Variants in KCNT1 observed in about 807,000 individuals in gnomAD.
KCNT1 encodes the protein potassium sodium-activated channel subfamily T member 1.
A neutral mutation model predicts 147.8 loss-of-function variants in KCNT1; 78 were observed. The ratio of observed to expected loss-of-function variants is 0.53; its 90% CI spans 0.44 to 0.64. The LOEUF (loss-of-function observed/expected upper bound fraction) is 0.64, where lower values mean the gene tolerates loss of function less well. KCNT1 is among the 30% of genes least tolerant of loss of function. KCNT1 has a pLI of 0.00. For synonymous variants in KCNT1, 867 were observed against 748.8 expected, an observed-to-expected ratio of 1.16 and a Z score of -2.58; for missense variants, 1,419 against 1,750.3, an observed-to-expected ratio of 0.81 and a Z score of 3.38.
rs187884611 is a variant in KCNT1, at chr9:135,725,842, G to A, written c.254+11122G>A. ...TGCCTGGGCGTGTCCTAAGTTGATT[G>A]AATATATGCTGGAAAGCAGAAATGC... On this transcript the variant is annotated intron_variant, in intron 2 of 30. Transcript: ENST00000371757. 2.0e-3 allele frequency among the ~76,000 whole-genome samples: 305 copies of A among 152,324 alleles called. 2 individuals carry two copies. Among genetic ancestry groups the A allele is most frequent in the African/African-American group, 7.0e-3 (290 of 41,582 alleles).
intron 2 of KCNT1, among the ~76,000 whole-genome samples, chr9:135,732,033 GAGAGAGA>G (rs1836502010): frequency 4.2e-5 from 6 of 141,816 alleles, no homozygotes; most frequent in Admixed American, 4.2e-4. Flanking sequence ...GAGAGAGAGA[GAGAGAGA>G]GGGAGTCTCA....
intron 2 of KCNT1, among the ~76,000 whole-genome samples, chr9:135,747,120 C>T (rs1830871146): frequency 1.3e-5 from 2 of 152,016 alleles, no homozygotes; most frequent in South Asian, 4.1e-4. Context: ...TGTGGCAAGC[C>T]CTGGGGTCCC....
chr9:135,732,024 A>AGAGAGAGAGAGAGAGGGAGG (rs1554766186), intron 2 of KCNT1, among the ~76,000 whole-genome samples: 21 of 65,116 alleles, frequency 3.2e-4, no homozygotes, highest in Non-Finnish European at 4.8e-4. Flanking sequence ...AGAGAGAGAG[A>AGAGAGAGAGAGAGAGGGAGG]GAGAGAGAGA....
chr9:135,730,961 G>A lies in KCNT1; in HGVS notation c.254+16241G>A, dbSNP rs1349013346. ...TGTTCATGCCACTGCACTCCAGCCT[G>A]GGCAACAAAGTGAGATCCCGTCTCA... On this transcript the variant is annotated intron_variant, in intron 2 of 30. Coordinates refer to ENST00000371757, the MANE Select transcript of KCNT1 (RefSeq NM_020822.3). The surrounding 1 kb of genome is among the most constrained non-coding windows in gnomAD (Gnocchi z 4.7). 1.5e-5 allele frequency among the ~76,000 whole-genome samples: 2 copies of A among 133,566 alleles called. No homozygotes were observed. The highest frequency in any genetic ancestry group is 5.5e-5 in the African/African-American group (2 of 36,538). 87.6% of individuals were successfully genotyped at this position (133,566 alleles called of 152,430 possible). A position where few individuals can be genotyped will look rare whatever the true frequency, so the allele number is the denominator to read the frequency against.
intron 2 of KCNT1, among the ~76,000 whole-genome samples, chr9:135,717,568 C>T (rs562537395): frequency 5.3e-5 from 8 of 152,206 alleles, no homozygotes; most frequent in Admixed American, 2.0e-4. Context: ...TTTCCGGGGG[C>T]GCAGGGGCAA....
Position 135,751,008 on chromosome 9 carries a change from T to G in KCNT1, c.401T>G (p.Val134Gly), listed in dbSNP as rs776675825. ...ACCTGCCTGCTCTACATTGTGCGCG[T>G]CCTGCTCGATGACCCGGCCCTGGGC... ...LLTCLLYIVRVLLDDPALGIG... is the reference protein window; with the variant it reads ...LLTCLLYIVRGLLDDPALGIG... Residue 134 changes from valine (V) to glycine (G), a missense_variant, in exon 4 of 31, where the codon GTC becomes GGC. This residue lies in a region of KCNT1 where 401 missense variants were observed against 610.6 expected (regional missense o/e 0.66). Coordinates refer to ENST00000371757, the MANE Select transcript of KCNT1 (RefSeq NM_020822.3). 6.2e-7 allele frequency: 1 copy of G among 1,612,640 alleles called. No individual in the cohort carries two copies. Among genetic ancestry groups the G allele is most frequent in the Non-Finnish European group, 8.5e-7 (1 of 1,179,844 alleles).
chr9:135,752,953 AGATG>A lies in KCNT1; in HGVS notation c.435-979_435-976del, dbSNP rs1156977017. Among the ~76,000 whole-genome samples, 28 of 142,758 alleles carry A rather than the reference AGATG, an allele frequency of 2.0e-4. No homozygotes were observed. The East Asian group carries it at 4.1e-3, about 21-fold the overall frequency. 93.7% of individuals were successfully genotyped at this position (142,758 alleles called of 152,430 possible). A position where few individuals can be genotyped will look rare whatever the true frequency, so the allele number is the denominator to read the frequency against. ...TGGATGGACAGATAAGTAGATGGAT[AGATG>A]GATGAGTGGATGGATGATGAGCAGA... is the stretch of plus-strand genomic sequence containing the variant. On this transcript the variant is annotated intron_variant, in intron 4 of 30. Coordinates refer to ENST00000371757, the MANE Select transcript of KCNT1 (RefSeq NM_020822.3). The surrounding 1 kb of genome is among the most constrained non-coding windows in gnomAD (Gnocchi z 5.1).
In KCNT1 at chr9:135,778,324, G is replaced by A. The variant is rs142999388; in HGVS notation, c.2523-100G>A. On this transcript the variant is annotated intron_variant, in intron 21 of 30. Coordinates refer to ENST00000371757, the MANE Select transcript of KCNT1 (RefSeq NM_020822.3). ...TACGCTGCGGTTCTGGGGAACCCCTGCCTGGCCCAGCTCTGTGCATGGAGG... is the reference window on the plus strand; with the variant it reads ...TACGCTGCGGTTCTGGGGAACCCCTACCTGGCCCAGCTCTGTGCATGGAGG... 6.6e-4 allele frequency: 724 copies of A among 1,098,620 alleles called. 3 individuals carry two copies. The highest frequency in any genetic ancestry group is 9.2e-4 in the Non-Finnish European group (695 of 756,034). 68.1% of individuals were successfully genotyped at this position (1,098,620 alleles called of 1,614,324 possible). A position where few individuals can be genotyped will look rare whatever the true frequency, so the allele number is the denominator to read the frequency against.
At chr9:135,768,385 C>T in intron 13 of KCNT1, 1 of 239,772 alleles carries the variant, frequency 4.2e-6, no homozygotes, top group Non-Finnish European at 7.1e-6. Flanking sequence ...ACTGAGGGGG[C>T]ACTGTGACTC....
At chr9:135,731,600 T>A (rs1836433510) in intron 2 of KCNT1, among the ~76,000 whole-genome samples, 1 of 152,166 alleles carries the variant, frequency 6.6e-6, no homozygotes, top group Non-Finnish European at 1.5e-5. Context: ...CCGCGTTCTC[T>A]CACGTTCCTT....
At chr9:135,772,983 G>A in intron 19 of KCNT1, 34 bp downstream of exon 19, 1 of 1,387,728 alleles carries the variant, frequency 7.2e-7, no homozygotes, top group Non-Finnish European at 9.5e-7. Flanking sequence ...TCCCAGTGGG[G>A]GGAGGAGCCG....
intron 1 of KCNT1, chr9:135,703,118 C>T (rs1300996456): frequency 6.6e-6 from 1 of 152,668 alleles, no homozygotes; most frequent in Non-Finnish European, 1.5e-5. Flanking sequence ...GTTCCCCATC[C>T]TCTCCCCCAT....
At chr9:135,780,939 G>A (rs1435076412) in intron 24 of KCNT1, among the ~76,000 whole-genome samples, 1 of 152,214 alleles carries the variant, frequency 6.6e-6, no homozygotes, top group African/African-American at 2.4e-5. Flanking sequence ...TCCGGCCTCA[G>A]CCTTGCACCT....
chr9:135,767,813 C>A (rs1052423365), intron 13 of KCNT1, among the ~76,000 whole-genome samples: 6 of 151,962 alleles, frequency 3.9e-5, no homozygotes, highest in Non-Finnish European at 8.8e-5. Flanking sequence ...TAGGGACAAG[C>A]TGGGGGGTTG....
chr9:135,785,327 C>T lies in KCNT1; in HGVS notation c.3174C>T (p.Ala1058=), dbSNP rs2131577612. 6.2e-7 allele frequency: 1 copy of T among 1,613,080 alleles called. No individual in the cohort carries two copies. Among genetic ancestry groups the T allele is most frequent in the Non-Finnish European group, 8.5e-7 (1 of 1,179,958 alleles). Residue 1058 remains alanine, a synonymous_variant, in exon 28 of 31, where the codon GCC becomes GCT. Transcript: ENST00000371757. ...FSTSEPHDLR[A]QSQISVNVED... Reference sequence around the variant, plus strand: ...CTTTGCAGCCCCACGACCTCAGAGCCCAGGTAAGCAACCCCTCCGTGCCCA... The same window carrying T: ...CTTTGCAGCCCCACGACCTCAGAGCTCAGGTAAGCAACCCCTCCGTGCCCA...
intron 2 of KCNT1, among the ~76,000 whole-genome samples, chr9:135,732,020 A>AGAGAGAGAGAGAGAGG (rs1836490854): frequency 2.4e-5 from 3 of 126,276 alleles, no homozygotes; most frequent in African/African-American, 6.1e-5. Context: ...AGAGAGAGAG[A>AGAGAGAGAGAGAGAGG]GAGAGAGAGA....
intron 4 of KCNT1, chr9:135,751,999 T>C: frequency 4.9e-6 from 1 of 204,884 alleles, no homozygotes; most frequent in Non-Finnish European, 1.0e-5. Flanking sequence ...CCCCATCTGC[T>C]GGGCCTGTTT....
intron 13 of KCNT1, among the ~76,000 whole-genome samples, chr9:135,767,578 C>T (rs982464520): frequency 1.9e-4 from 29 of 152,174 alleles, no homozygotes; most frequent in African/African-American, 5.8e-4. Flanking sequence ...TCCTGCACCC[C>T]AACCCAGCCC....
At chr9:135,768,983 A>G (rs760569318) in intron 15 of KCNT1, 46 bp downstream of exon 15, 68 of 1,326,606 alleles carry the variant, frequency 5.1e-5, no homozygotes, top group African/African-American at 2.8e-4. Context: ...GGGGCAGGGC[A>G]CGTGTGCACA....
Sources: gnomAD v4.1 joint callset for allele counts (sites outside exome capture counted in the v4.1 genomes callset) on GRCh38, gnomAD v4.1.1 for gene constraint, gnomAD v4.1.1 regional missense constraint, Gnocchi (gnomAD v3.1) non-coding constraint, MANE v1.5 for transcripts, NCBI Gene and HGNC (gene_info 2026-07-23, HGNC 2026-07-21) for gene names.